Variants in ASIC2 observed in about 807,000 individuals in gnomAD.
The protein encoded by ASIC2 is acid sensing ion channel subunit 2.
ASIC2 carries 25 observed loss-of-function variants against 57.3 expected under a neutral mutation model. That is an observed-to-expected ratio of 0.44 (90% CI 0.32 to 0.61). ASIC2 has a LOEUF of 0.61. ASIC2 is among the 20% of genes least tolerant of loss of function. ASIC2 has a pLI of 0.06. For synonymous variants in ASIC2, 319 were observed against 307.5 expected, an observed-to-expected ratio of 1.04 and a Z score of -0.39; for missense variants, 641 against 738.1, an observed-to-expected ratio of 0.87 and a Z score of 1.52.
At chr17:33,551,788 T>C (rs1382489705) in intron 1 of ASIC2, among the ~76,000 whole-genome samples, 2 of 152,190 alleles carry the variant, frequency 1.3e-5, no homozygotes, top group African/African-American at 4.8e-5. Context: ...CAAGGGAACT[T>C]GGCAGCATGG....
At chr17:33,991,562 A>G (rs1906001093) in intron 1 of ASIC2, among the ~76,000 whole-genome samples, 1 of 152,200 alleles carries the variant, frequency 6.6e-6, no homozygotes, top group South Asian at 2.1e-4. Flanking sequence ...CGTAGGCAGG[A>G]GGCTTAGAGC....
chr17:33,888,621 C>T (rs1914887155), intron 1 of ASIC2, among the ~76,000 whole-genome samples: 1 of 152,050 alleles, frequency 6.6e-6, no homozygotes, highest in Non-Finnish European at 1.5e-5. Flanking sequence ...GGTGAGACTG[C>T]TTTAGAAGAA....
Position 33,028,257 on chromosome 17 carries a change from T to C in ASIC2, c.1123A>G (p.Met375Val), listed in dbSNP as rs1191418953. Reference sequence around the variant, plus strand: ...TGGCACTGACCTGGCATGTGAACCATGCGGCAGTTGCAGTTTTCCACAATG... The same window carrying C: ...TGGCACTGACCTGGCATGTGAACCACGCGGCAGTTGCAGTTTTCCACAATG... ...RYIVENCNCR[M>V]VHMPGDAPFC... Residue 375 changes from methionine to valine, a missense_variant, in exon 4 of 10, where the codon ATG becomes GTG. Met to Val is a conservative substitution (Grantham distance 21). Transcript: ENST00000225823. 1.2e-6 allele frequency: 2 copies of C among 1,614,078 alleles called. No individual in the cohort carries two copies. Among genetic ancestry groups the C allele is most frequent in the Non-Finnish European group, 8.5e-7 (1 of 1,180,020 alleles).
chr17:33,328,614 T>C (rs1022272634), intron 1 of ASIC2, among the ~76,000 whole-genome samples: 10 of 152,324 alleles, frequency 6.6e-5, no homozygotes, highest in Non-Finnish European at 1.2e-4. Context: ...TTGCTTTCTC[T>C]TTCATCCACC....
At chr17:34,152,154 A>C (rs760364284) in intron 1 of ASIC2, among the ~76,000 whole-genome samples, 6 of 152,178 alleles carry the variant, frequency 3.9e-5, no homozygotes, top group Non-Finnish European at 7.3e-5. Context: ...AGTTAACAAG[A>C]TCTACACAAT....
In ASIC2 at chr17:33,021,230, G is replaced by T. The variant is rs770457910; in HGVS notation, c.1430C>A (p.Ala477Asp). Residue 477 changes from alanine to aspartate, a missense_variant, in exon 7 of 10, where the codon GCT becomes GAT. This residue lies in a region of ASIC2 where 252 missense variants were observed against 319.8 expected (regional missense o/e 0.79). Coordinates refer to ENST00000225823, the MANE Select transcript of ASIC2 (RefSeq NM_183377.2). ...TIEQKKAYEV[A>D]ALLGDIGGQM... Reference sequence around the variant, plus strand: ...AGACACTGACTTACCAAGTAAGGCAGCAACTTCATACGCCTTCTTCTGTTC... The same window carrying T: ...AGACACTGACTTACCAAGTAAGGCATCAACTTCATACGCCTTCTTCTGTTC... 1.4e-6 allele frequency: 2 copies of T among 1,479,204 alleles called. No individual in the cohort carries two copies. The highest frequency in any genetic ancestry group is 3.6e-5 in the Admixed American group (2 of 55,422). The allele number at this position is 1,479,204 out of a possible 1,614,324, so 91.6% of individuals were successfully genotyped here.
chr17:33,197,759 T>C (rs1344151586), intron 1 of ASIC2, among the ~76,000 whole-genome samples: 2 of 152,202 alleles, frequency 1.3e-5, no homozygotes, highest in Non-Finnish European at 2.9e-5. Context: ...GGGACCCCTC[T>C]CCCTGGGTAC....
At chr17:34,012,882 T>C (rs551552167) in intron 1 of ASIC2, among the ~76,000 whole-genome samples, 2 of 152,300 alleles carry the variant, frequency 1.3e-5, no homozygotes, top group South Asian at 4.1e-4. Flanking sequence ...AGCGCTAGTG[T>C]GGGTTCCTGG....
intron 1 of ASIC2, among the ~76,000 whole-genome samples, chr17:33,274,148 C>T (rs1318252422): frequency 6.6e-6 from 1 of 152,186 alleles, no homozygotes; most frequent in Non-Finnish European, 1.5e-5. Flanking sequence ...CCACATTGAG[C>T]ATCTGTTTTC....
intron 3 of ASIC2, among the ~76,000 whole-genome samples, chr17:33,078,433 G>T (rs1407832632): frequency 6.6e-6 from 1 of 152,204 alleles, no homozygotes; most frequent in East Asian, 1.9e-4. Flanking sequence ...CACCATATCT[G>T]AAGGCTAAGA....
At chr17:34,131,857 A>C (rs1219866886) in intron 1 of ASIC2, among the ~76,000 whole-genome samples, 1 of 152,184 alleles carries the variant, frequency 6.6e-6, no homozygotes, top group African/African-American at 2.4e-5. Context: ...AGCGTGTGAA[A>C]GCCTGAGTGC....
At chr17:33,282,945 T>G (rs1233432740) in intron 1 of ASIC2, among the ~76,000 whole-genome samples, 1 of 152,220 alleles carries the variant, frequency 6.6e-6, no homozygotes, top group Admixed American at 6.5e-5. Context: ...AAAGTCCCTT[T>G]TCTACATAGG....
intron 1 of ASIC2, among the ~76,000 whole-genome samples, chr17:34,031,799 A>G (rs192207472): frequency 0.011 from 1,706 of 152,294 alleles, 20 homozygotes; most frequent in South Asian, 0.028. Flanking sequence ...AAGCGAGAAG[A>G]GAAGTTTAGA....
At chr17:33,083,426 G>C (rs2092121331) in intron 3 of ASIC2, among the ~76,000 whole-genome samples, 1 of 152,174 alleles carries the variant, frequency 6.6e-6, no homozygotes, top group Non-Finnish European at 1.5e-5. Flanking sequence ...CCAAGACAGG[G>C]GCCAGGTCTC....
intron 1 of ASIC2, among the ~76,000 whole-genome samples, chr17:33,706,642 G>C (rs551457289): frequency 6.6e-6 from 1 of 152,190 alleles, no homozygotes; most frequent in Admixed American, 6.5e-5. Context: ...TCTGGAGTTA[G>C]TAATTGCCTC....
chr17:33,363,705 G>A (rs904047512), intron 1 of ASIC2, among the ~76,000 whole-genome samples: 3 of 152,226 alleles, frequency 2.0e-5, no homozygotes, highest in Non-Finnish European at 4.4e-5. Context: ...GAAATGAGGA[G>A]AATCCAGAGA....
chr17:33,961,450 G>A (rs907976513), intron 1 of ASIC2, among the ~76,000 whole-genome samples: 1 of 152,176 alleles, frequency 6.6e-6, no homozygotes, highest in African/African-American at 2.4e-5. Flanking sequence ...TTATGTCCCT[G>A]GGAATTGAGA....
chr17:33,914,509 T>C (rs1192050953), intron 1 of ASIC2, among the ~76,000 whole-genome samples: 2 of 152,122 alleles, frequency 1.3e-5, no homozygotes, highest in Non-Finnish European at 2.9e-5. Context: ...ACAGAGATGG[T>C]GGCCAGAGTT....
chr17:33,191,787 G>A (rs1906430363), intron 1 of ASIC2, among the ~76,000 whole-genome samples: 5 of 152,142 alleles, frequency 3.3e-5, no homozygotes, highest in Admixed American at 2.6e-4. Context: ...AGGAAGGAGA[G>A]ACAGACTTCA....
Sources: gnomAD v4.1 joint callset for allele counts (sites outside exome capture counted in the v4.1 genomes callset) on GRCh38, gnomAD v4.1.1 for gene constraint, gnomAD v4.1.1 regional missense constraint, MANE v1.5 for transcripts, NCBI Gene and HGNC (gene_info 2026-07-23, HGNC 2026-07-21) for gene names.